CRACDL: variants seen among roughly 807,000 people sequenced by gnomAD.
CRACDL encodes CRACD like, also known as CRACD-like protein.
A neutral mutation model predicts 70.6 loss-of-function variants in CRACDL; 26 were observed. The ratio of observed to expected loss-of-function variants is 0.37; its 90% confidence interval spans 0.27 to 0.51. The LOEUF is 0.51. Ranked by LOEUF, CRACDL falls within the 20% of genes least tolerant of loss-of-function variation. The pLI is 0.94. For synonymous variants in CRACDL, 618 were observed against 615.2 expected, an observed-to-expected ratio of 1.00 and a Z score of -0.07; for missense variants, 1,283 against 1,376.9, an observed-to-expected ratio of 0.93 and a Z score of 1.08.
At chr2:98,920,657 C>T (rs2104692190) in intron 1 of CRACDL, among the ~76,000 whole-genome samples, 1 of 152,306 alleles carries the variant, frequency 6.6e-6, no homozygotes, top group South Asian at 2.1e-4. Flanking sequence ...TACTTCCCTG[C>T]CTGTGGAAAC....
chr2:98,827,008 G>T lies in CRACDL; in HGVS notation c.702C>A (p.Asn234Lys). 1 of 1,613,990 alleles carries T rather than the reference G, an allele frequency of 6.2e-7. No homozygotes were observed. Among genetic ancestry groups the T allele is most frequent in the Non-Finnish European group, 8.5e-7 (1 of 1,179,926 alleles). ...GCCGCCTCATCTTACTCGACCGCTG[G>T]TTGCGGGGCTTGACCTGGAGCTTGT... ...AKHKLQVKPR[N>K]QRSSKMRRLS... Residue 234 changes from asparagine (N) to lysine (K), a missense_variant, in exon 6 of 10, where the codon AAC (asparagine) becomes AAA (lysine). Physicochemically the swap from Asn to Lys is moderately conservative, Grantham distance 94. Coordinates refer to ENST00000397899, the MANE Select transcript of CRACDL (RefSeq NM_207362.3).
chr2:98,855,139 G>T (rs993888443), intron 1 of CRACDL, among the ~76,000 whole-genome samples: 2 of 152,136 alleles, frequency 1.3e-5, no homozygotes, highest in Admixed American at 1.3e-4. Flanking sequence ...AATTAGCTGG[G>T]CATGGTGGCG....
intron 2 of CRACDL, among the ~76,000 whole-genome samples, chr2:98,844,849 T>C (rs1367976291): frequency 6.6e-6 from 1 of 152,212 alleles, no homozygotes; most frequent in African/African-American, 2.4e-5. Context: ...GTACCTGGGT[T>C]TGCATCCAGT....
chr2:98,798,119 T>A (rs1703911688), intron 7 of CRACDL, among the ~76,000 whole-genome samples: 1 of 151,730 alleles, frequency 6.6e-6, no homozygotes, highest in African/African-American at 2.4e-5. Flanking sequence ...CAAGAGGGGG[T>A]GGATCACCTG....
chr2:98,833,281 G>A (rs1050613563), intron 3 of CRACDL, among the ~76,000 whole-genome samples: 3 of 152,246 alleles, frequency 2.0e-5, no homozygotes, highest in African/African-American at 7.2e-5. Context: ...GGTGTGAGGT[G>A]CAAGACAGCA....
chr2:98,838,951 T>C (rs888827758), intron 2 of CRACDL, among the ~76,000 whole-genome samples: 1 of 152,172 alleles, frequency 6.6e-6, no homozygotes, highest in Non-Finnish European at 1.5e-5. Context: ...ACAGCTTCAT[T>C]CTCTCCCATG....
intron 1 of CRACDL, among the ~76,000 whole-genome samples, chr2:98,878,427 G>A (rs745787958): frequency 4.6e-5 from 7 of 152,082 alleles, no homozygotes; most frequent in Non-Finnish European, 7.4e-5. Flanking sequence ...CAGGTTTGTC[G>A]TCTAGAAGAA....
At chr2:98,799,144 T>C (rs1299590953) in intron 7 of CRACDL, among the ~76,000 whole-genome samples, 2 of 151,990 alleles carry the variant, frequency 1.3e-5, no homozygotes, top group Non-Finnish European at 2.9e-5. Flanking sequence ...TGTGCTTGAG[T>C]CAGCCGGGTG....
At chr2:98,934,548 G>A (rs1453461119) in intron 1 of CRACDL, among the ~76,000 whole-genome samples, 1 of 152,126 alleles carries the variant, frequency 6.6e-6, no homozygotes, top group Non-Finnish European at 1.5e-5. Context: ...ATCTCAGCAG[G>A]ACAGCCACCC....
chr2:98,901,418 A>G lies in CRACDL; in HGVS notation c.-11+34520T>C, dbSNP rs548925886. ...GATCACAGGGCATGGCACAAACCTC[A>G]GTCCCAGGGCTCCCCCCATCCAGAG... On this transcript the variant is annotated intron_variant, in intron 1 of 9. Coordinates refer to ENST00000397899, the MANE Select transcript of CRACDL (RefSeq NM_207362.3). Among the ~76,000 whole-genome samples, 513 of 152,306 alleles carry G rather than the reference A, an allele frequency of 3.4e-3. 3 individuals are homozygous for G. Among genetic ancestry groups the G allele is most frequent in the Middle Eastern group, 0.01 (3 of 294 alleles).
At chr2:98,878,143 C>T (rs1363024325) in intron 1 of CRACDL, among the ~76,000 whole-genome samples, 1 of 152,076 alleles carries the variant, frequency 6.6e-6, no homozygotes, top group Non-Finnish European at 1.5e-5. Flanking sequence ...GATGGGGTTT[C>T]ACCATGTTGG....
Position 98,822,053 on chromosome 2 carries a change from C to T in CRACDL, c.2220G>A (p.Arg740=). The change falls in exon 7 of 10, where the codon AGG becomes AGA. Residue 740 remains arginine, a synonymous_variant. Transcript: ENST00000397899. This position sits in a 1 kb window ranked among gnomAD's most constrained non-coding sequence, Gnocchi z 4.9. The part of the protein sequence containing the change: ...LGTAPALRGT[R]APSDQGKGKA... ...TCCCCTTTCCTTGGTCGCTGGGGGC[C>T]CTGGTGCCTCGAAGGGCGGGGGCCG... 1 of 1,548,242 alleles carries T rather than the reference C, an allele frequency of 6.5e-7. No individual in the cohort carries two copies. Among genetic ancestry groups the T allele is most frequent in the Non-Finnish European group, 8.7e-7 (1 of 1,145,904 alleles).
At chr2:98,912,513 C>A (rs1449035292) in intron 1 of CRACDL, among the ~76,000 whole-genome samples, 2 of 152,208 alleles carry the variant, frequency 1.3e-5, no homozygotes, top group Non-Finnish European at 2.9e-5. Flanking sequence ...GTCCTTTGAC[C>A]CTCTGCTCAT....
intron 1 of CRACDL, among the ~76,000 whole-genome samples, chr2:98,909,562 C>T (rs1708494279): frequency 6.6e-6 from 1 of 152,192 alleles, no homozygotes; most frequent in Admixed American, 6.5e-5. Context: ...AGCTGTCAGG[C>T]TGCAGGACGC....
intron 1 of CRACDL, among the ~76,000 whole-genome samples, chr2:98,907,543 G>A (rs570400061): frequency 5.3e-5 from 8 of 152,178 alleles, no homozygotes; most frequent in African/African-American, 1.7e-4. Flanking sequence ...TACCATCCCC[G>A]CAAGTTCCAG....
intron 1 of CRACDL, among the ~76,000 whole-genome samples, chr2:98,863,235 A>C (rs762064511): frequency 5.9e-5 from 9 of 152,228 alleles, no homozygotes; most frequent in Non-Finnish European, 1.3e-4. Context: ...GCCAGAAGGT[A>C]GTAGGCTGAT....
intron 1 of CRACDL, among the ~76,000 whole-genome samples, chr2:98,877,641 C>T (rs376531679): frequency 1.3e-5 from 2 of 151,836 alleles, no homozygotes; most frequent in Non-Finnish European, 2.9e-5. Flanking sequence ...CCCAGCAACT[C>T]GGGAGGCTGA....
At chr2:98,912,126 C>T (rs1259384572) in intron 1 of CRACDL, among the ~76,000 whole-genome samples, 3 of 152,156 alleles carry the variant, frequency 2.0e-5, no homozygotes, top group East Asian at 1.9e-4. Context: ...CAACCACTGG[C>T]GTCCTGGGCA....
intron 1 of CRACDL, among the ~76,000 whole-genome samples, chr2:98,924,270 G>A (rs553508651): frequency 5.9e-5 from 9 of 152,258 alleles, no homozygotes; most frequent in Admixed American, 1.3e-4. Context: ...CTGCCAGCTC[G>A]GGATCCCAGC....
Sources: allele counts gnomAD v4.1 joint callset (sites outside exome capture counted in the v4.1 genomes callset), GRCh38; gene constraint gnomAD v4.1.1; non-coding constraint Gnocchi (gnomAD v3.1); transcripts MANE v1.5; gene names NCBI Gene and HGNC (gene_info 2026-07-23, HGNC 2026-07-21).